DAB1: variants seen among roughly 807,000 people sequenced by gnomAD.
DAB1 encodes the protein disabled homolog 1.
Under a neutral mutation model 64.6 loss-of-function variants are expected in DAB1, and 15 were observed. That is an observed-to-expected ratio of 0.23 (90% CI 0.16 to 0.36). The LOEUF is 0.36. Ranked by LOEUF, DAB1 falls within the 10% of genes least tolerant of loss-of-function variation. The probability of loss-of-function intolerance (pLI) is 1.00; values close to 1 mark genes in which losing one functional copy is unlikely to be tolerated. For missense variants in DAB1, 596 were observed against 706.7 expected (o/e 0.84, Z 1.78); for synonymous variants, 235 against 251.9 (o/e 0.93, Z 0.64).
intron 4 of DAB1, among the ~76,000 whole-genome samples, chr1:58,245,313 G>A (rs974124477): frequency 6.6e-6 from 1 of 152,130 alleles, no homozygotes; most frequent in African/African-American, 2.4e-5. Context: ...GATACAGAAT[G>A]AGCCCTGGAC....
At chr1:57,508,932 A>G (rs539424251) in intron 7 of DAB1, among the ~76,000 whole-genome samples, 1 of 151,938 alleles carries the variant, frequency 6.6e-6, no homozygotes, top group South Asian at 2.1e-4. Flanking sequence ...ATACATATAT[A>G]AAATGCATTA....
upstream of DAB1, among the ~76,000 whole-genome samples, chr1:57,428,398 T>C (rs533825748): frequency 2.6e-5 from 4 of 152,202 alleles, no homozygotes; most frequent in Non-Finnish European, 5.9e-5. Context: ...CACATACAAA[T>C]GAGAACATGC....
At chr1:57,258,389 T>C (rs765294031) in intron 2 of DAB1, among the ~76,000 whole-genome samples, 20 of 152,130 alleles carry the variant, frequency 1.3e-4, no homozygotes, top group African/African-American at 1.9e-4. Flanking sequence ...TCATCCTCCC[T>C]GGGATGGTTT....
intron 1 of DAB1, among the ~76,000 whole-genome samples, chr1:57,356,637 A>T (rs1679127986): frequency 6.6e-6 from 1 of 152,014 alleles, no homozygotes; most frequent in African/African-American, 2.4e-5. Context: ...TAAGTATTGC[A>T]ACAAACTCCA....
intron 7 of DAB1, among the ~76,000 whole-genome samples, chr1:57,567,895 T>C (rs911503254): frequency 3.9e-5 from 6 of 152,162 alleles, no homozygotes; most frequent in African/African-American, 9.7e-5. Context: ...AAGCTACAAA[T>C]GACTTTCTTC....
intron 7 of DAB1, among the ~76,000 whole-genome samples, chr1:57,603,885 T>C (rs1478827161): frequency 1.3e-5 from 2 of 152,210 alleles, no homozygotes; most frequent in Non-Finnish European, 2.9e-5. Context: ...CAGCCACATT[T>C]GCATATTCAT....
intron 2 of DAB1, 44 bp from the exon 3 acceptor site, chr1:57,145,473 C>T (rs752745854): frequency 2.5e-6 from 4 of 1,602,924 alleles, no homozygotes; most frequent in African/African-American, 2.7e-5. Flanking sequence ...CTGTGCAGAC[C>T]CCAGTGGCTT....
At chr1:57,590,784 C>CACACA (rs1558521548) in intron 7 of DAB1, among the ~76,000 whole-genome samples, 5 of 133,756 alleles carry the variant, frequency 3.7e-5, no homozygotes, top group African/African-American at 1.2e-4. Context: ...ACACACACAC[C>CACACA]CCACTCACAT....
chr1:57,825,869 T>C (rs1191446056), downstream of DAB1, among the ~76,000 whole-genome samples: 5 of 152,186 alleles, frequency 3.3e-5, no homozygotes, highest in Non-Finnish European at 7.3e-5. Flanking sequence ...AAACACCATC[T>C]TGGGAAACTT....
At chr1:57,049,318 G>A (rs1040748842) in intron 9 of DAB1, among the ~76,000 whole-genome samples, 4 of 151,458 alleles carry the variant, frequency 2.6e-5, no homozygotes, top group African/African-American at 9.7e-5. Flanking sequence ...GGGCATGGTG[G>A]CGGGCACCTG....
chr1:58,302,591 C>T (rs1662196944), intron 4 of DAB1, among the ~76,000 whole-genome samples: 1 of 151,616 alleles, frequency 6.6e-6, no homozygotes. Flanking sequence ...GCCAGGCTTC[C>T]TGTGTTCATG....
intron 5 of DAB1, among the ~76,000 whole-genome samples, chr1:57,934,037 A>G (rs1447607992): frequency 1.3e-5 from 2 of 149,672 alleles, no homozygotes; most frequent in Non-Finnish European, 3.0e-5. Flanking sequence ...CTGGGATTAT[A>G]GGCGTCCGCC....
chr1:57,965,381 A>C (rs916858181), intron 5 of DAB1, among the ~76,000 whole-genome samples: 2 of 152,150 alleles, frequency 1.3e-5, no homozygotes, highest in Non-Finnish European at 2.9e-5. Context: ...GTGCTTTGCC[A>C]CCTCATAGGG....
chr1:58,359,994 C>T (rs539318463), intron 3 of DAB1, among the ~76,000 whole-genome samples: 1 of 152,234 alleles, frequency 6.6e-6, no homozygotes, highest in East Asian at 1.9e-4. Flanking sequence ...CTTGCTTGCC[C>T]TTACTGGGTT....
chr1:58,360,600 AG>A (rs1309558201), intron 3 of DAB1, among the ~76,000 whole-genome samples: 2 of 151,962 alleles, frequency 1.3e-5, no homozygotes, highest in Non-Finnish European at 2.9e-5. Context: ...CTTCAAGCAA[AG>A]AAGGCAGAAA....
At chr1:57,642,162 A>C (rs978834203) in intron 7 of DAB1, among the ~76,000 whole-genome samples, 2 of 152,272 alleles carry the variant, frequency 1.3e-5, no homozygotes, top group Non-Finnish European at 2.9e-5. Flanking sequence ...AACAAGAAAC[A>C]ATGAAAAAAC....
At chr1:57,744,759 G>A (rs937054361) in intron 6 of DAB1, among the ~76,000 whole-genome samples, 2 of 152,264 alleles carry the variant, frequency 1.3e-5, no homozygotes, top group South Asian at 2.1e-4. Flanking sequence ...GGTGTGAGGC[G>A]TGTTCTCCAT....
intron 2 of DAB1, among the ~76,000 whole-genome samples, chr1:58,524,151 C>G (rs758491848): frequency 6.6e-6 from 1 of 152,224 alleles, no homozygotes; most frequent in Non-Finnish European, 1.5e-5. Flanking sequence ...CATATCCCTT[C>G]TGCCTTAAAT....
intron 4 of DAB1, among the ~76,000 whole-genome samples, chr1:58,290,693 A>G (rs1661800534): frequency 6.6e-6 from 1 of 152,208 alleles, no homozygotes; most frequent in African/African-American, 2.4e-5. Flanking sequence ...CAAGAAATGT[A>G]CATCATCCTT....
Sources: allele counts gnomAD v4.1 joint callset (sites outside exome capture counted in the v4.1 genomes callset), GRCh38; gene constraint gnomAD v4.1.1; transcripts MANE v1.5; gene names NCBI Gene and HGNC (gene_info 2026-07-23, HGNC 2026-07-21).